Variants in NELL1 observed in about 807,000 individuals in gnomAD.
NELL1 encodes protein kinase C-binding protein NELL1.
NELL1 carries 76 observed loss-of-function variants against 107.4 expected under a neutral mutation model. That is an observed-to-expected ratio of 0.71 (90% confidence interval 0.59 to 0.86). The LOEUF is 0.86. Ranked by LOEUF, NELL1 falls within the 40% of genes least tolerant of loss-of-function variation. The probability of loss-of-function intolerance (pLI) is 0.00; values close to 1 mark genes in which losing one functional copy is unlikely to be tolerated. For missense variants in NELL1, 1,024 were observed against 1,005.5 expected (o/e 1.02, Z -0.25); for synonymous variants, 353 against 341.2 (o/e 1.03, Z -0.38).
intron 12 of NELL1, among the ~76,000 whole-genome samples, chr11:21,004,313 T>C (rs1054874819): frequency 6.6e-6 from 1 of 152,052 alleles, no homozygotes; most frequent in African/African-American, 2.4e-5. Context: ...TTAATTAGAG[T>C]CAGTCTAGTT....
intron 13 of NELL1, among the ~76,000 whole-genome samples, chr11:21,116,752 C>T (rs1855245255): frequency 6.6e-6 from 1 of 151,976 alleles, no homozygotes; most frequent in African/African-American, 2.4e-5. Flanking sequence ...AGTCCATCCA[C>T]TTCTGTCTAT....
chr11:21,566,967 A>C (rs1202328281), intron 17 of NELL1, among the ~76,000 whole-genome samples: 1 of 151,852 alleles, frequency 6.6e-6, no homozygotes, highest in Non-Finnish European at 1.5e-5. Flanking sequence ...TTTATTTTGC[A>C]CTAACCCTGG....
intron 12 of NELL1, among the ~76,000 whole-genome samples, chr11:21,035,633 G>A (rs1324011981): frequency 1.3e-5 from 2 of 151,888 alleles, no homozygotes; most frequent in Non-Finnish European, 2.9e-5. Context: ...AAGACAAAAG[G>A]CACATGATTA....
At chr11:20,887,758 CTGGATTAGGTACCT>C (rs1849539626) in intron 5 of NELL1, among the ~76,000 whole-genome samples, 3 of 152,080 alleles carry the variant, frequency 2.0e-5, no homozygotes, top group Admixed American at 2.0e-4. Context: ...TAAAGTGGCC[CTGGATTAGGTACCT>C]TGGGAGTCCT....
intron 11 of NELL1, among the ~76,000 whole-genome samples, chr11:20,957,845 G>A (rs2134211187): frequency 6.6e-6 from 1 of 152,182 alleles, no homozygotes; most frequent in African/African-American, 2.4e-5. Context: ...AAATGATGCA[G>A]AATTCACCAT....
At chr11:21,419,468 GA>G (rs1852605377) in intron 15 of NELL1, among the ~76,000 whole-genome samples, 5 of 152,182 alleles carry the variant, frequency 3.3e-5, no homozygotes, top group Admixed American at 2.6e-4. Flanking sequence ...AGGGGTCACG[GA>G]AATAGAGTCC....
intron 16 of NELL1, among the ~76,000 whole-genome samples, chr11:21,543,223 T>C (rs995329126): frequency 2.0e-5 from 3 of 152,100 alleles, no homozygotes; most frequent in Non-Finnish European, 4.4e-5. Flanking sequence ...TGTGGTCTCA[T>C]TACTTCAAAA....
chr11:21,556,314 T>TG (rs1230719962), intron 16 of NELL1, among the ~76,000 whole-genome samples: 37 of 152,094 alleles, frequency 2.4e-4, no homozygotes, highest in African/African-American at 8.4e-4. Context: ...CTAGATGTGC[T>TG]GTCAAAGTTA....
chr11:20,853,833 A>G (rs1279990701), intron 4 of NELL1, among the ~76,000 whole-genome samples: 1 of 152,186 alleles, frequency 6.6e-6, no homozygotes, highest in African/African-American at 2.4e-5. Flanking sequence ...TCTGGTCTGT[A>G]GTGCAGCACA....
chr11:20,671,643 A>G (rs1053530247), intron 1 of NELL1, among the ~76,000 whole-genome samples: 10 of 152,230 alleles, frequency 6.6e-5, no homozygotes, highest in African/African-American at 2.4e-4. Flanking sequence ...CTCATTCAAC[A>G]AACGATGTCT....
chr11:21,041,304 A>G (rs1375519089), intron 12 of NELL1, among the ~76,000 whole-genome samples: 1 of 152,188 alleles, frequency 6.6e-6, no homozygotes, highest in Admixed American at 6.5e-5. Flanking sequence ...AGTTAACACA[A>G]CATAGTTAAT....
At chr11:21,004,086 T>C (rs1852279891) in intron 12 of NELL1, among the ~76,000 whole-genome samples, 1 of 152,160 alleles carries the variant, frequency 6.6e-6, no homozygotes. Flanking sequence ...TCTTGCAGAA[T>C]AGATTGTTGT....
intron 4 of NELL1, among the ~76,000 whole-genome samples, chr11:20,882,953 T>G (rs766451728): frequency 2.0e-5 from 3 of 152,212 alleles, no homozygotes; most frequent in Admixed American, 1.3e-4. Flanking sequence ...TCAATTGAGG[T>G]TTATCTGATG....
chr11:21,567,718 A>T (rs370705964), intron 17 of NELL1, among the ~76,000 whole-genome samples: 7 of 151,970 alleles, frequency 4.6e-5, no homozygotes, highest in African/African-American at 1.7e-4. Flanking sequence ...TTGTGGATAA[A>T]GTAGATAAAG....
chr11:21,170,412 A>G (rs1856578657), intron 13 of NELL1, among the ~76,000 whole-genome samples: 1 of 151,794 alleles, frequency 6.6e-6, no homozygotes, highest in African/African-American at 2.4e-5. Context: ...TGAAGACATA[A>G]TTTAAAATCC....
intron 15 of NELL1, among the ~76,000 whole-genome samples, chr11:21,523,334 TAATA>T (rs1175665540): frequency 6.6e-6 from 1 of 152,194 alleles, no homozygotes; most frequent in Non-Finnish European, 1.5e-5. Context: ...TTTAAGTGTT[TAATA>T]AATATACATT....
chr11:21,478,693 TA>T (rs34265788), intron 15 of NELL1, among the ~76,000 whole-genome samples: 38,471 of 139,554 alleles, frequency 0.28, 5,083 homozygotes, highest in Middle Eastern at 0.41. Flanking sequence ...CACACCAAGT[TA>T]AAAAAAAAAA....
At chr11:20,951,166 A>G (rs1851061833) in intron 11 of NELL1, among the ~76,000 whole-genome samples, 1 of 152,236 alleles carries the variant, frequency 6.6e-6, no homozygotes, top group Non-Finnish European at 1.5e-5. Context: ...TGTCATGTTA[A>G]TGAATGAATG....
intron 3 of NELL1, among the ~76,000 whole-genome samples, chr11:20,840,444 G>T (rs150457623): frequency 2.6e-5 from 4 of 152,282 alleles, no homozygotes; most frequent in Non-Finnish European, 5.9e-5. Flanking sequence ...CACTTTTGTG[G>T]CTTCAGTGAG....
Sources: gnomAD v4.1 joint callset for allele counts (sites outside exome capture counted in the v4.1 genomes callset) on GRCh38, gnomAD v4.1.1 for gene constraint, MANE v1.5 for transcripts, NCBI Gene and HGNC (gene_info 2026-07-23, HGNC 2026-07-21) for gene names.